Variants in HIVEP3 observed in about 807,000 individuals in gnomAD.
The protein encoded by HIVEP3 is HIVEP zinc finger 3, also known as transcription factor HIVEP3.
HIVEP3 carries 49 observed loss-of-function variants against 152.8 expected under a neutral mutation model. The ratio of observed to expected loss-of-function variants is 0.32; its 90% CI spans 0.26 to 0.41. HIVEP3 has a LOEUF of 0.41. Ranked by LOEUF, HIVEP3 falls within the 10% of genes least tolerant of loss-of-function variation. The pLI, the probability that HIVEP3 is intolerant of heterozygous loss-of-function variation, is 1.00. For synonymous variants in HIVEP3, 1,269 were observed against 1,289.0 expected, an observed-to-expected ratio of 0.98 and a Z score of 0.33; for missense variants, 2,790 against 3,103.3, an observed-to-expected ratio of 0.90 and a Z score of 2.40.
At position 41,580,933 on chromosome 1, in the gene HIVEP3, G is replaced by T. The variant is rs201384673; in HGVS notation, c.3865C>A (p.Pro1289Thr). ...TEYSSDIRLPPVAPPASSSAP... is the reference protein window; with the variant it reads ...TEYSSDIRLPTVAPPASSSAP... ...GAGGAGCTGGCTGGGGGAGCCACAGGGGGTAGCCGGATGTCACTGCTGTAC... is the reference window on the plus strand; with the variant it reads ...GAGGAGCTGGCTGGGGGAGCCACAGTGGGTAGCCGGATGTCACTGCTGTAC... Residue 1289 changes from proline (P) to threonine (T), a missense_variant, in exon 4 of 9, where the codon CCT becomes ACT. By Grantham distance (38) the Pro-to-Thr change is conservative. Coordinates refer to ENST00000372583, the MANE Select transcript of HIVEP3 (RefSeq NM_024503.5). 13 of 1,612,496 alleles carry T rather than the reference G, an allele frequency of 8.1e-6. No homozygotes were observed. Among genetic ancestry groups the T allele is most frequent in the African/African-American group, 1.3e-5 (1 of 74,914 alleles).
chr1:41,947,776 T>A (rs1287152353), intron 1 of HIVEP3, among the ~76,000 whole-genome samples: 4 of 152,220 alleles, frequency 2.6e-5, no homozygotes, highest in Non-Finnish European at 5.9e-5. Flanking sequence ...ACTGATGTAG[T>A]GGCAAAGGGT....
chr1:41,629,462 G>A (rs1035291548), intron 2 of HIVEP3, among the ~76,000 whole-genome samples: 1 of 152,170 alleles, frequency 6.6e-6, no homozygotes, highest in Non-Finnish European at 1.5e-5. Context: ...CACAGCAAAA[G>A]AAACTATCAA....
intron 1 of HIVEP3, among the ~76,000 whole-genome samples, chr1:41,760,363 C>T (rs970875510): frequency 6.6e-6 from 1 of 152,152 alleles, no homozygotes. Flanking sequence ...CACCTGGGTT[C>T]CTGCCCTCCC....
chr1:41,883,394 C>T (rs1336840364), intron 1 of HIVEP3, among the ~76,000 whole-genome samples: 1 of 152,152 alleles, frequency 6.6e-6, no homozygotes, highest in Admixed American at 6.5e-5. Context: ...TGTCTCCCAC[C>T]ACCCTTCCCC....
intron 2 of HIVEP3, among the ~76,000 whole-genome samples, chr1:41,674,030 C>G (rs891390583): frequency 6.6e-6 from 1 of 152,222 alleles, no homozygotes; most frequent in Non-Finnish European, 1.5e-5. Context: ...TCTCTGACAC[C>G]AGGGCGGGGC....
At chr1:41,848,094 T>C (rs931469610) in intron 1 of HIVEP3, 2 of 152,164 alleles carry the variant, frequency 1.3e-5, no homozygotes, top group Admixed American at 6.5e-5. Context: ...TATTTTCTCC[T>C]AGGGAAGGAT....
chr1:41,643,906 T>G (rs201270023), intron 2 of HIVEP3, among the ~76,000 whole-genome samples: 87 of 143,662 alleles, frequency 6.1e-4, no homozygotes, highest in South Asian at 1.9e-3. Context: ...TTTTTTTTTT[T>G]GACAGGGTCT....
chr1:41,580,405 C>G lies in HIVEP3; in HGVS notation c.4393G>C (p.Val1465Leu). The G allele has an allele frequency of 6.2e-7, 1 of 1,614,180 alleles. No homozygotes were observed. The highest frequency in any genetic ancestry group is 8.5e-7 in the Non-Finnish European group (1 of 1,180,028). Residue 1465 changes from valine to leucine, a missense_variant, in exon 4 of 9, where the codon GTA becomes CTA. This residue lies in a region of HIVEP3 where 1,078 missense variants were observed against 1,165.3 expected (regional missense o/e 0.93). Coordinates refer to ENST00000372583, the MANE Select transcript of HIVEP3 (RefSeq NM_024503.5). ...GTAAGGACCACACTGCATGGTTTTACCAGCTCAAGTTTTTCATCTGCCTTG... is the reference window on the plus strand; with the variant it reads ...GTAAGGACCACACTGCATGGTTTTAGCAGCTCAAGTTTTTCATCTGCCTTG... ...ASKADEKLEL[V>L]KPCSVVLTST...
intron 1 of HIVEP3, among the ~76,000 whole-genome samples, chr1:41,809,856 A>G (rs770497436): frequency 6.6e-6 from 1 of 152,214 alleles, no homozygotes; most frequent in Non-Finnish European, 1.5e-5. Flanking sequence ...ATCTGCTGAC[A>G]TCACCATCTC....
At chr1:41,895,980 T>C (rs1446862531) in intron 1 of HIVEP3, among the ~76,000 whole-genome samples, 1 of 152,250 alleles carries the variant, frequency 6.6e-6, no homozygotes, top group Non-Finnish European at 1.5e-5. Flanking sequence ...CGGATGAATA[T>C]TAATTGAATA....
chr1:41,940,590 T>C (rs1645040607), intron 1 of HIVEP3, among the ~76,000 whole-genome samples: 1 of 152,218 alleles, frequency 6.6e-6, no homozygotes, highest in Admixed American at 6.5e-5. Flanking sequence ...ATCTACAATA[T>C]GTGGCTTAGG....
chr1:41,512,683 T>G, intron 8 of HIVEP3, 133 bp downstream of exon 8: 2 of 743,350 alleles, frequency 2.7e-6, no homozygotes, highest in Non-Finnish European at 4.1e-6. Flanking sequence ...CTAATAAATG[T>G]TTGCGAAATT....
rs768316842 is a variant in HIVEP3, at chr1:41,582,825, T to C, written c.1973A>G (p.Tyr658Cys). The C allele has an allele frequency of 1.9e-6, 3 of 1,614,138 alleles. No homozygotes were observed. The highest frequency in any genetic ancestry group is 2.2e-5 in the East Asian group (1 of 44,874). Residue 658 changes from tyrosine to cysteine, a missense_variant, in exon 4 of 9, where the codon TAC becomes TGC. This residue lies in a region of HIVEP3 where 339 missense variants were observed against 327.0 expected (regional missense o/e 1.04). Coordinates refer to ENST00000372583, the MANE Select transcript of HIVEP3 (RefSeq NM_024503.5). This position sits in a 1 kb window ranked among gnomAD's most constrained non-coding sequence, Gnocchi z 4.7. ...GCAGTAGTATTTTTTGTGGGCTTCG[T>C]AGTTATCCCTTTTCTTGTACCGAGC... is the stretch of plus-strand genomic sequence containing the variant. ...CGARYKKRDN[Y>C]EAHKKYYCSE...
At chr1:41,834,520 C>T (rs191731063) in intron 1 of HIVEP3, among the ~76,000 whole-genome samples, 207 of 152,314 alleles carry the variant, frequency 1.4e-3, no homozygotes, top group African/African-American at 4.6e-3. Flanking sequence ...TCAGGCAGAA[C>T]ACTATAGCTG....
Position 41,832,970 on chromosome 1 carries a change from C to T in HIVEP3, c.-801+85443G>A, listed in dbSNP as rs551663278. Among the ~76,000 whole-genome samples the T allele has an allele frequency of 2.0e-5, 3 of 152,332 alleles. No homozygotes were observed. The East Asian group carries it at 5.8e-4, about 29-fold the overall frequency. ...TGCTTCTGCACCTGTCACATGGGCA[C>T]TGGGAGTCCAACTCCTTCTTAGAAC... On this transcript the variant is annotated intron_variant, in intron 1 of 8. Transcript: ENST00000372583.
At chr1:41,804,787 C>T (rs1311946003) in intron 1 of HIVEP3, among the ~76,000 whole-genome samples, 1 of 152,152 alleles carries the variant, frequency 6.6e-6, no homozygotes, top group Admixed American at 6.5e-5. Flanking sequence ...CTGGTCAGAG[C>T]AAGTGGATTA....
At chr1:41,936,022 A>G (rs1199294039) in intron 1 of HIVEP3, among the ~76,000 whole-genome samples, 1 of 152,120 alleles carries the variant, frequency 6.6e-6, no homozygotes, top group African/African-American at 2.4e-5. Context: ...ATAGCAGACT[A>G]CATAGGAAAG....
At chr1:41,824,851 TAGAGAG>T (rs112182227) in intron 1 of HIVEP3, among the ~76,000 whole-genome samples, 1 of 131,134 alleles carries the variant, frequency 7.6e-6, no homozygotes, top group Non-Finnish European at 1.6e-5. Context: ...AGTTTATATA[TAGAGAG>T]AGAGACAGAG....
intron 2 of HIVEP3, among the ~76,000 whole-genome samples, chr1:41,681,395 G>C (rs546180167): frequency 1.1e-4 from 17 of 152,222 alleles, no homozygotes; most frequent in Non-Finnish European, 2.4e-4. Context: ...TGCTGAGCCT[G>C]ATCTGTGTGT....
Sources: gnomAD v4.1 joint callset for allele counts (sites outside exome capture counted in the v4.1 genomes callset) on GRCh38, gnomAD v4.1.1 for gene constraint, gnomAD v4.1.1 regional missense constraint, Gnocchi (gnomAD v3.1) non-coding constraint, MANE v1.5 for transcripts, NCBI Gene and HGNC (gene_info 2026-07-23, HGNC 2026-07-21) for gene names.